The following ITFG1 variants were observed in gnomAD, a reference collection of about 807,000 sequenced individuals.
ITFG1 encodes the protein integrin alpha FG-GAP repeat containing 1.
In ITFG1, 34 loss-of-function variants were observed where a neutral mutation model predicts 81.8. The ratio of observed to expected loss-of-function variants is 0.42; its 90% CI spans 0.32 to 0.55. The LOEUF is 0.55. ITFG1 is among the 20% of genes least tolerant of loss of function. ITFG1 has a pLI of 0.17. For missense variants in ITFG1, 672 were observed against 755.4 expected, an observed-to-expected ratio of 0.89 and a Z score of 1.29; for synonymous variants, 285 against 270.6, an observed-to-expected ratio of 1.05 and a Z score of -0.52.
At chr16:47,186,171 T>C (rs1965212183) in intron 14 of ITFG1, among the ~76,000 whole-genome samples, 1 of 152,194 alleles carries the variant, frequency 6.6e-6, no homozygotes, top group African/African-American at 2.4e-5. Flanking sequence ...AGCCGAATTC[T>C]ACCAGAGGTA....
intron 6 of ITFG1, among the ~76,000 whole-genome samples, chr16:47,423,087 G>A (rs1968971712): frequency 6.6e-6 from 1 of 152,162 alleles, no homozygotes; most frequent in Non-Finnish European, 1.5e-5. Context: ...CTAAGGACTT[G>A]CTTTATGAAT....
At chr16:47,178,366 C>T (rs1326439867) in intron 14 of ITFG1, among the ~76,000 whole-genome samples, 1 of 152,076 alleles carries the variant, frequency 6.6e-6, no homozygotes. Context: ...TATAAATGCT[C>T]CTGGTTTTTA....
At chr16:47,403,979 G>GTACATTATTATACAA (rs1567488214) in intron 6 of ITFG1, among the ~76,000 whole-genome samples, 1 of 151,204 alleles carries the variant, frequency 6.6e-6, no homozygotes, top group African/African-American at 2.4e-5. Flanking sequence ...TCTACATTAT[G>GTACATTATTATACAA]GTAAGTTGTA....
chr16:47,321,282 G>A (rs1221601743), intron 8 of ITFG1, among the ~76,000 whole-genome samples: 1 of 152,134 alleles, frequency 6.6e-6, no homozygotes, highest in East Asian at 1.9e-4. Flanking sequence ...TGCACTTCTT[G>A]CTAAAATGGA....
At position 47,193,094 on chromosome 16, in the gene ITFG1, CT is replaced by C. The variant is rs200520892; in HGVS notation, c.1453+25773del. On this transcript the variant is annotated intron_variant, in intron 14 of 17. Transcript: ENST00000320640. ...AAGAGCTGTTGATTTTCAGTTTGTT[CT>C]TTTTTTTTGGTGAGGATAAGAGTAC... Among the ~76,000 whole-genome samples the C allele has an allele frequency of 1.5e-4, 22 of 150,454 alleles. No homozygotes were observed. In the South Asian group the frequency reaches 3.4e-3, roughly 23 times the overall value.
chr16:47,326,004 T>A (rs567984419), intron 8 of ITFG1, among the ~76,000 whole-genome samples: 3 of 152,262 alleles, frequency 2.0e-5, no homozygotes, highest in African/African-American at 7.2e-5. Context: ...TAACAATGCC[T>A]GGCAGAGACA....
rs1395737898 is a variant in ITFG1, at chr16:47,362,537, C to T, written c.802+3251G>A. 3.3e-5 allele frequency among the ~76,000 whole-genome samples: 5 copies of T among 152,198 alleles called. No homozygotes were observed. In the South Asian group the frequency reaches 8.3e-4, roughly 25 times the overall value. ...TTCATTTGGTAATCCAATGGATTCC[C>T]AGGCCATTTATTATGCTTCTATATT... On this transcript the variant is annotated intron_variant, in intron 8 of 17. Coordinates refer to ENST00000320640, the MANE Select transcript of ITFG1 (RefSeq NM_030790.5).
intron 5 of ITFG1, among the ~76,000 whole-genome samples, chr16:47,433,818 T>C (rs1969125083): frequency 7.3e-6 from 1 of 136,166 alleles, no homozygotes; most frequent in African/African-American, 2.7e-5. Context: ...CACACACGTA[T>C]AGTTGTCAAT....
intron 17 of ITFG1, 43 bp from the exon 18 acceptor site, chr16:47,155,821 G>A (rs191090357): frequency 3.7e-4 from 500 of 1,367,256 alleles, no homozygotes; most frequent in Non-Finnish European, 4.8e-4. Context: ...GTAGAAAGAT[G>A]TTATGAAAAG....
At chr16:47,194,969 C>T (rs1324304515) in intron 14 of ITFG1, among the ~76,000 whole-genome samples, 1 of 152,050 alleles carries the variant, frequency 6.6e-6, no homozygotes, top group Non-Finnish European at 1.5e-5. Flanking sequence ...TGCACCATCC[C>T]CCACACCTCC....
chr16:47,432,980 T>C (rs1376637368), intron 5 of ITFG1, among the ~76,000 whole-genome samples: 3 of 152,206 alleles, frequency 2.0e-5, no homozygotes, highest in Non-Finnish European at 2.9e-5. Context: ...CCAAGAATGA[T>C]TAAAAACACA....
intron 10 of ITFG1, chr16:47,263,235 AG>A (rs1312936298): frequency 1.1e-5 from 4 of 352,396 alleles, no homozygotes; most frequent in African/African-American, 4.4e-5. Flanking sequence ...GAAGGGAATC[AG>A]ATCTCAGGGG....
chr16:47,379,445 T>C (rs939683924), intron 6 of ITFG1, among the ~76,000 whole-genome samples: 6 of 152,200 alleles, frequency 3.9e-5, no homozygotes, highest in Non-Finnish European at 1.5e-5. Context: ...GTCTGCACTT[T>C]GAGAGGCCGA....
At chr16:47,346,297 T>C (rs1967854119) in intron 8 of ITFG1, among the ~76,000 whole-genome samples, 1 of 152,184 alleles carries the variant, frequency 6.6e-6, no homozygotes, top group Admixed American at 6.6e-5. Context: ...GAAAACTATA[T>C]AAATACATGG....
intron 2 of ITFG1, among the ~76,000 whole-genome samples, chr16:47,454,817 G>A (rs1241774647): frequency 6.6e-6 from 1 of 151,712 alleles, no homozygotes; most frequent in African/African-American, 2.4e-5. Flanking sequence ...AAAGCTTAAC[G>A]TCCTGCAGTC....
chr16:47,191,076 G>A (rs1293694044), intron 14 of ITFG1, among the ~76,000 whole-genome samples: 1 of 152,130 alleles, frequency 6.6e-6, no homozygotes, highest in African/African-American at 2.4e-5. Flanking sequence ...TGTGGGTTGG[G>A]GCTAATAATG....
In ITFG1 at chr16:47,158,787, AAAAT is replaced by A. The variant is rs1285874928; in HGVS notation, c.1779+82_1779+85del. 1.4e-5 allele frequency: 8 copies of A among 587,104 alleles called. No individual in the cohort carries two copies. In the African/African-American group the frequency reaches 1.4e-4, roughly 10 times the overall value. 36.4% of individuals were successfully genotyped at this position (587,104 alleles called of 1,614,324 possible). A position where few individuals can be genotyped will look rare whatever the true frequency, so the allele number is the denominator to read the frequency against. On this transcript the variant is annotated intron_variant, in intron 17 of 17. Transcript: ENST00000320640. ...AATTCTAGTCATATGAAAAAAGTTT[AAAAT>A]AAATATAGTGTTTTTAAAGAGCAAT...
chr16:47,259,788 C>T (rs568189281), intron 11 of ITFG1, among the ~76,000 whole-genome samples: 2 of 152,060 alleles, frequency 1.3e-5, no homozygotes, highest in African/African-American at 2.4e-5. Flanking sequence ...AACCTTAAAG[C>T]CTTTCATAAG....
At chr16:47,185,174 G>A (rs1379509531) in intron 14 of ITFG1, among the ~76,000 whole-genome samples, 1 of 151,996 alleles carries the variant, frequency 6.6e-6, no homozygotes, top group Non-Finnish European at 1.5e-5. Context: ...CCACACATTA[G>A]TAATGGGAGA....
Sources: gnomAD v4.1 joint callset for allele counts (sites outside exome capture counted in the v4.1 genomes callset) on GRCh38, gnomAD v4.1.1 for gene constraint, MANE v1.5 for transcripts, NCBI Gene and HGNC (gene_info 2026-07-23, HGNC 2026-07-21) for gene names.